The following LRRC4C variants were observed in gnomAD, a reference collection of about 807,000 sequenced individuals.
LRRC4C encodes leucine rich repeat containing 4C.
A neutral mutation model predicts 33.6 loss-of-function variants in LRRC4C; 5 were observed. The observed-to-expected ratio is 0.15, with a 90% CI of 0.08 to 0.31. The LOEUF (loss-of-function observed/expected upper bound fraction) is 0.31, where lower values mean the gene tolerates loss of function less well. Among genes scored for constraint, LRRC4C ranks in the 10% least tolerant of loss-of-function variants. The probability of loss-of-function intolerance (pLI) is 1.00; values close to 1 mark genes in which losing one functional copy is unlikely to be tolerated. For synonymous variants in LRRC4C, 329 were observed against 302.0 expected (o/e 1.09, Z -0.93); for missense variants, 560 against 796.7 (o/e 0.70, Z 3.58).
intron 4 of LRRC4C, among the ~76,000 whole-genome samples, chr11:40,269,059 C>T (rs1375493781): frequency 6.6e-6 from 1 of 152,174 alleles, no homozygotes; most frequent in East Asian, 1.9e-4. Flanking sequence ...AGAACCTTAG[C>T]TTACAGGCCT....
At chr11:41,308,242 GCTT>G (rs1163123525) in intron 1 of LRRC4C, among the ~76,000 whole-genome samples, 1 of 152,182 alleles carries the variant, frequency 6.6e-6, no homozygotes, top group Non-Finnish European at 1.5e-5. Flanking sequence ...CTGAGGGATT[GCTT>G]TTTTTCACTC....
At chr11:41,363,811 A>G (rs1461827806) in intron 1 of LRRC4C, among the ~76,000 whole-genome samples, 1 of 152,158 alleles carries the variant, frequency 6.6e-6, no homozygotes, top group Non-Finnish European at 1.5e-5. Flanking sequence ...CTTTGGCTGT[A>G]CAGGTGCTAT....
intron 2 of LRRC4C, among the ~76,000 whole-genome samples, chr11:40,800,719 T>C (rs529632834): frequency 6.6e-6 from 1 of 152,282 alleles, no homozygotes; most frequent in Admixed American, 6.5e-5. Flanking sequence ...CACTCTATTT[T>C]AATACAAAGA....
At chr11:41,121,765 C>G (rs1031361728) in intron 1 of LRRC4C, among the ~76,000 whole-genome samples, 2 of 151,950 alleles carry the variant, frequency 1.3e-5, no homozygotes, top group African/African-American at 4.8e-5. Context: ...AAGGGATGAC[C>G]CTGAGAAAAG....
chr11:40,947,023 G>A (rs1254314248), intron 1 of LRRC4C, among the ~76,000 whole-genome samples: 3 of 152,076 alleles, frequency 2.0e-5, no homozygotes, highest in East Asian at 1.9e-4. Flanking sequence ...TGACTTTTGG[G>A]TATAAGCGAA....
intron 1 of LRRC4C, among the ~76,000 whole-genome samples, chr11:41,133,965 T>C (rs1031714327): frequency 1.3e-5 from 2 of 152,302 alleles, no homozygotes; most frequent in African/African-American, 4.8e-5. Context: ...AACTCCTGCC[T>C]TCCTGAAGTA....
At chr11:40,328,729 T>C (rs1179420514) in intron 3 of LRRC4C, among the ~76,000 whole-genome samples, 1 of 152,230 alleles carries the variant, frequency 6.6e-6, no homozygotes, top group African/African-American at 2.4e-5. Context: ...TTGATAATCA[T>C]TTCTGTCATA....
chr11:41,098,856 A>AAATTTAGAT (rs1259221436), intron 1 of LRRC4C, among the ~76,000 whole-genome samples: 4 of 152,146 alleles, frequency 2.6e-5, no homozygotes, highest in African/African-American at 9.6e-5. Flanking sequence ...GAACTGAAGG[A>AAATTTAGAT]AATTTAGATA....
At chr11:41,126,575 A>C (rs1248808467) in intron 1 of LRRC4C, among the ~76,000 whole-genome samples, 3 of 151,976 alleles carry the variant, frequency 2.0e-5, no homozygotes, top group African/African-American at 7.2e-5. Flanking sequence ...TATAGTACTA[A>C]CTCCAAAAGA....
At chr11:41,137,985 G>A (rs1943339090) in intron 1 of LRRC4C, among the ~76,000 whole-genome samples, 1 of 152,162 alleles carries the variant, frequency 6.6e-6, no homozygotes, top group Non-Finnish European at 1.5e-5. Context: ...TGCCAACTGG[G>A]AGATGGTTGT....
At chr11:41,064,374 T>A (rs933531373) in intron 1 of LRRC4C, among the ~76,000 whole-genome samples, 1 of 152,302 alleles carries the variant, frequency 6.6e-6, no homozygotes, top group East Asian at 1.9e-4. Context: ...GTCTTTCAGA[T>A]GTAAAGTAGC....
intron 2 of LRRC4C, among the ~76,000 whole-genome samples, chr11:40,730,119 G>A (rs1029981745): frequency 7.2e-5 from 11 of 151,950 alleles, no homozygotes; most frequent in African/African-American, 2.7e-4. Context: ...GTTGGGGGGG[G>A]CAGGGATAGC....
intron 5 of LRRC4C, among the ~76,000 whole-genome samples, chr11:40,214,389 T>A (rs1010250206): frequency 6.6e-6 from 1 of 152,130 alleles, no homozygotes; most frequent in Admixed American, 6.6e-5. Flanking sequence ...CTATTACATA[T>A]TTCTTTTTAA....
At chr11:41,258,950 G>C (rs1427310090) in intron 1 of LRRC4C, among the ~76,000 whole-genome samples, 1 of 151,830 alleles carries the variant, frequency 6.6e-6, no homozygotes, top group African/African-American at 2.4e-5. Context: ...TTTTTGCTGG[G>C]GGTTGTAAAT....
chr11:41,000,416 G>A (rs1565287677), intron 1 of LRRC4C, among the ~76,000 whole-genome samples: 1 of 152,096 alleles, frequency 6.6e-6, no homozygotes, highest in African/African-American at 2.4e-5. Context: ...CAAATATGTG[G>A]CCCATAGATT....
chr11:40,569,655 G>A (rs1342256786), intron 3 of LRRC4C, among the ~76,000 whole-genome samples: 1 of 152,056 alleles, frequency 6.6e-6, no homozygotes, highest in Non-Finnish European at 1.5e-5. Flanking sequence ...AGGGAAGTTT[G>A]ATGATTAAAT....
chr11:41,215,394 A>C (rs1947015882), intron 1 of LRRC4C, among the ~76,000 whole-genome samples: 1 of 151,334 alleles, frequency 6.6e-6, no homozygotes, highest in Non-Finnish European at 1.5e-5. Flanking sequence ...AGGCTGAGGC[A>C]CAAGAATTGC....
intron 1 of LRRC4C, among the ~76,000 whole-genome samples, chr11:41,351,615 A>G (rs1335855587): frequency 6.6e-6 from 1 of 152,216 alleles, no homozygotes; most frequent in Non-Finnish European, 1.5e-5. Flanking sequence ...TCACAAACAA[A>G]GGGAACCCCA....
intron 1 of LRRC4C, among the ~76,000 whole-genome samples, chr11:41,304,142 C>A (rs1201307132): frequency 8.7e-5 from 8 of 92,064 alleles, no homozygotes; most frequent in African/African-American, 2.4e-4. Context: ...GCCCCTCAGC[C>A]CGGCCAGCCG....
Sources: gnomAD v4.1 joint callset for allele counts (sites outside exome capture counted in the v4.1 genomes callset) on GRCh38, gnomAD v4.1.1 for gene constraint, MANE v1.5 for transcripts, NCBI Gene and HGNC (gene_info 2026-07-23, HGNC 2026-07-21) for gene names.